Variants in EBF1 observed in about 807,000 individuals in gnomAD.
EBF1 encodes the protein transcription factor COE1.
In EBF1, 10 loss-of-function variants were observed where a neutral mutation model predicts 68.4. The observed-to-expected ratio is 0.15, with a 90% CI of 0.09 to 0.25. The LOEUF is 0.25. Ranked by LOEUF, EBF1 falls within the 10% of genes least tolerant of loss-of-function variation. The pLI is 1.00. For synonymous variants in EBF1, 298 were observed against 299.8 expected (o/e 0.99, Z 0.06); for missense variants, 509 against 794.4 (o/e 0.64, Z 4.32).
chr5:158,959,902 T>C (rs1817834674), intron 6 of EBF1, among the ~76,000 whole-genome samples: 1 of 152,134 alleles, frequency 6.6e-6, no homozygotes, highest in South Asian at 2.1e-4. Flanking sequence ...AGAATCAAAC[T>C]AGATCGACCA....
intron 6 of EBF1, among the ~76,000 whole-genome samples, chr5:158,952,036 G>A (rs894647359): frequency 2.0e-5 from 3 of 152,124 alleles, no homozygotes; most frequent in African/African-American, 7.2e-5. Context: ...GTCCAGGATG[G>A]CTTTGGCATA....
intron 6 of EBF1, among the ~76,000 whole-genome samples, chr5:158,932,882 G>A (rs1221559397): frequency 6.6e-6 from 1 of 152,152 alleles, no homozygotes; most frequent in Non-Finnish European, 1.5e-5. Flanking sequence ...AGACAAGAGT[G>A]TAACATTTGG....
intron 10 of EBF1, among the ~76,000 whole-genome samples, chr5:158,735,311 A>C (rs1457508912): frequency 6.6e-6 from 1 of 152,122 alleles, no homozygotes; most frequent in Non-Finnish European, 1.5e-5. Context: ...AATACACTTA[A>C]TGGGGATACA....
intron 6 of EBF1, among the ~76,000 whole-genome samples, chr5:159,008,283 A>T (rs1403570465): frequency 6.6e-6 from 1 of 152,250 alleles, no homozygotes; most frequent in East Asian, 1.9e-4. Flanking sequence ...TTTATATTCA[A>T]AGGTGTTCAT....
intron 5 of EBF1, among the ~76,000 whole-genome samples, chr5:159,082,964 A>C (rs1779985186): frequency 6.6e-6 from 1 of 152,234 alleles, no homozygotes; most frequent in African/African-American, 2.4e-5. Flanking sequence ...GAAAAATATA[A>C]ACTGCATTAA....
At chr5:158,726,889 G>A (rs1351127069) in intron 11 of EBF1, among the ~76,000 whole-genome samples, 1 of 152,162 alleles carries the variant, frequency 6.6e-6, no homozygotes, top group African/African-American at 2.4e-5. Flanking sequence ...AGATCTCTGG[G>A]GACTCTAACT....
intron 6 of EBF1, among the ~76,000 whole-genome samples, chr5:158,879,608 C>A (rs980967779): frequency 6.6e-6 from 1 of 151,968 alleles, no homozygotes; most frequent in African/African-American, 2.4e-5. Context: ...TGAATAGTGC[C>A]GCAATAAACA....
chr5:158,754,378 A>C (rs1354251961), intron 10 of EBF1, among the ~76,000 whole-genome samples: 1 of 152,130 alleles, frequency 6.6e-6, no homozygotes, highest in East Asian at 1.9e-4. Flanking sequence ...CTCAGACCTG[A>C]CTGACCACAG....
chr5:159,058,238 G>T (rs781434707), intron 6 of EBF1, among the ~76,000 whole-genome samples: 1 of 152,220 alleles, frequency 6.6e-6, no homozygotes, highest in Non-Finnish European at 1.5e-5. Flanking sequence ...TCTAAACCTG[G>T]AGGAGGGGGA....
rs1182788031 is a variant in EBF1, at chr5:158,748,363, T to C, written c.1037-17206A>G. 3.3e-5 allele frequency among the ~76,000 whole-genome samples: 5 copies of C among 152,266 alleles called. No individual in the cohort carries two copies. The East Asian group carries it at 9.7e-4, about 29-fold the overall frequency. On this transcript the variant is annotated intron_variant, in intron 10 of 15. Coordinates refer to ENST00000313708, the MANE Select transcript of EBF1 (RefSeq NM_024007.5). ...TGAAAATGGTTATGGAATCCAGAGG[T>C]AGCTCCGGATAACACGGGTGGAATT...
At chr5:158,897,810 A>G (rs1183151594) in intron 6 of EBF1, among the ~76,000 whole-genome samples, 1 of 152,174 alleles carries the variant, frequency 6.6e-6, no homozygotes, top group Non-Finnish European at 1.5e-5. Context: ...CTTTTATAAG[A>G]TGATTAGTTT....
At chr5:158,786,152 C>T (rs1216840000) in intron 9 of EBF1, among the ~76,000 whole-genome samples, 1 of 151,568 alleles carries the variant, frequency 6.6e-6, no homozygotes, top group Non-Finnish European at 1.5e-5. Flanking sequence ...AAAAAATTCC[C>T]AAACAAACAA....
intron 6 of EBF1, among the ~76,000 whole-genome samples, chr5:158,849,852 T>C (rs550858428): frequency 6.6e-6 from 1 of 152,344 alleles, no homozygotes; most frequent in South Asian, 2.1e-4. Context: ...CCTAGGGATG[T>C]TGGCCCCATT....
chr5:158,915,934 G>A (rs530825336), intron 6 of EBF1, among the ~76,000 whole-genome samples: 2 of 152,154 alleles, frequency 1.3e-5, no homozygotes, highest in African/African-American at 4.8e-5. Context: ...CTTCACGTGT[G>A]GGAGTCTCTC....
chr5:159,084,779 A>C (rs371739878), intron 4 of EBF1, 40 bp from the exon 5 acceptor site: 7 of 1,457,438 alleles, frequency 4.8e-6, no homozygotes, highest in Non-Finnish European at 6.5e-6. Flanking sequence ...AATGGAAAGG[A>C]GTAGCAGAAA....
At chr5:159,082,385 G>A (rs896824083) in intron 5 of EBF1, among the ~76,000 whole-genome samples, 1 of 152,204 alleles carries the variant, frequency 6.6e-6, no homozygotes. Context: ...CTGCAATGAA[G>A]AAATTTCATC....
intron 6 of EBF1, among the ~76,000 whole-genome samples, chr5:159,003,475 A>C (rs896356363): frequency 1.8e-4 from 27 of 149,810 alleles, no homozygotes; most frequent in Admixed American, 4.0e-4. Context: ...AAAAAAAAAA[A>C]CTGGCATTCT....
At chr5:158,768,369 A>G (rs1773190099) in intron 10 of EBF1, among the ~76,000 whole-genome samples, 2 of 152,110 alleles carry the variant, frequency 1.3e-5, no homozygotes, top group Non-Finnish European at 2.9e-5. Context: ...TTTTAAATGA[A>G]AAAAGATAAA....
chr5:158,951,745 A>G (rs2127503460), intron 6 of EBF1, among the ~76,000 whole-genome samples: 1 of 152,336 alleles, frequency 6.6e-6, no homozygotes, highest in Non-Finnish European at 1.5e-5. Flanking sequence ...ATAAAAAGAA[A>G]AAAAGCCAGT....
Sources: gnomAD v4.1 joint callset for allele counts (sites outside exome capture counted in the v4.1 genomes callset) on GRCh38, gnomAD v4.1.1 for gene constraint, MANE v1.5 for transcripts, NCBI Gene and HGNC (gene_info 2026-07-23, HGNC 2026-07-21) for gene names.